The following WAPL variants were observed in gnomAD, a reference collection of about 807,000 sequenced individuals.
The protein encoded by WAPL is wings apart-like protein homolog.
In WAPL, 5 loss-of-function variants were observed where a neutral mutation model predicts 121.0. The ratio of observed to expected loss-of-function variants is 0.04; its 90% CI spans 0.02 to 0.09. The LOEUF is 0.09. WAPL is among the 10% of genes least tolerant of loss of function. The pLI is 1.00. For missense variants in WAPL, 999 were observed against 1,410.8 expected, an observed-to-expected ratio of 0.71 and a Z score of 4.68; for synonymous variants, 480 against 481.5, an observed-to-expected ratio of 1.00 and a Z score of 0.04.
rs3758520 is a variant in WAPL, at chr10:86,473,871, C to G, written c.1740+7G>C. The G allele has an allele frequency of 0.39, 628,272 of 1,595,732 alleles. 128,531 individuals are homozygous for G. The highest frequency in any genetic ancestry group is 0.43 in the Non-Finnish European group (495,233 of 1,163,664). On this transcript the variant is annotated splice_region_variant and intron_variant, in intron 5 of 18. Transcript: ENST00000298767. ...AAACACAAAATAAATAAGTACAGTT[C>G]ACTTACTGTGACACTCTGAGGTTTT... is the stretch of plus-strand genomic sequence containing the variant.
rs1198422718 is a variant in WAPL, at chr10:86,521,684, C to T, written c.-342G>A. On this transcript the variant is annotated 5_prime_UTR_variant, in exon 1 of 19. Coordinates refer to ENST00000298767, the MANE Select transcript of WAPL (RefSeq NM_015045.5). ...CCGCCGCCTCCTGCGCCGCCGCTTC[C>T]GCCGGTGAATGGTCAGTGCTGGAGT... The T allele has an allele frequency of 4.3e-6, 2 of 463,994 alleles. No homozygotes were observed. The highest frequency in any genetic ancestry group is 8.9e-6 in the Non-Finnish European group (2 of 224,532). 28.7% of individuals were successfully genotyped at this position (463,994 alleles called of 1,614,324 possible).
At chr10:86,520,738 C>G (rs1235027095) in intron 1 of WAPL, among the ~76,000 whole-genome samples, 1 of 125,670 alleles carries the variant, frequency 8.0e-6, no homozygotes, top group Non-Finnish European at 1.6e-5. Context: ...AAAATCAGGT[C>G]GAATTTTGAG....
chr10:86,499,999 G>A lies in WAPL; in HGVS notation c.1244C>T (p.Pro415Leu), dbSNP rs765479869. The A allele has an allele frequency of 2.5e-6, 4 of 1,614,076 alleles. No individual in the cohort carries two copies. The Admixed American group carries it at 5.0e-5, about 20-fold the overall frequency. The change falls in exon 3 of 19, where the codon CCT becomes CTT. Residue 415 changes from proline to leucine, a missense_variant. Physicochemically the swap from Pro to Leu is moderately conservative, Grantham distance 98. Transcript: ENST00000298767. ...ATCCTTTTTGGATTTAGTATTACTA[G>A]GTCGAAATCTAGTAGTAGTCTTAGA... ...ATSKTTTRFRPSNTKSKKDVK... is the reference protein window; with the variant it reads ...ATSKTTTRFRLSNTKSKKDVK...
intron 12 of WAPL, among the ~76,000 whole-genome samples, chr10:86,456,064 T>A (rs1841138639): frequency 6.6e-6 from 1 of 152,208 alleles, no homozygotes; most frequent in Non-Finnish European, 1.5e-5. Flanking sequence ...ATCAATAATG[T>A]AGAGTCTGAT....
chr10:86,457,521 C>T (rs117026392), intron 12 of WAPL, among the ~76,000 whole-genome samples: 12,094 of 151,654 alleles, frequency 0.08, 855 homozygotes, highest in East Asian at 0.38. Context: ...AGTGTGGTGG[C>T]GCACACCTGT....
rs1564571376 is a variant in WAPL, at chr10:86,469,255, T to TAAATCAGCACACTCTAC, written c.2142+1736_2142+1737insGTAGAGTGTGCTGATTT. On this transcript the variant is annotated intron_variant, in intron 8 of 18. Transcript: ENST00000298767. ...GTTGAACCAAATAATTTTTTTTTTT[T>TAAATCAGCACACTCTAC]TTTTTTTTTTTTTTTGAGACGGAGT... Among the ~76,000 whole-genome samples, 11 of 532 alleles carry TAAATCAGCACACTCTAC rather than the reference T, an allele frequency of 0.021. 2 individuals are homozygous for TAAATCAGCACACTCTAC. In the African/African-American group the frequency reaches 0.26, roughly 13 times the overall value. The allele number at this position is 532 out of a possible 152,430, so 0.3% of individuals were successfully genotyped here.
At chr10:86,517,526 T>C (rs751839971) in intron 2 of WAPL, 45 bp downstream of exon 2, 5 of 1,534,858 alleles carry the variant, frequency 3.3e-6, no homozygotes, top group Non-Finnish European at 4.4e-6. Context: ...ATAAATTGGT[T>C]GCACAAAGCT....
At chr10:86,489,495 CACAT>C (rs1246708294) in intron 4 of WAPL, among the ~76,000 whole-genome samples, 1 of 152,140 alleles carries the variant, frequency 6.6e-6, no homozygotes, top group Non-Finnish European at 1.5e-5. Context: ...AAGTCACACA[CACAT>C]ACATATACAG....
chr10:86,503,219 C>G (rs112265456), intron 2 of WAPL, among the ~76,000 whole-genome samples: 50 of 152,304 alleles, frequency 3.3e-4, no homozygotes, highest in African/African-American at 1.1e-3. Context: ...CCTGTAATCC[C>G]AGCACTTTGG....
chr10:86,506,027 T>A (rs1842342542), intron 2 of WAPL, among the ~76,000 whole-genome samples: 1 of 152,050 alleles, frequency 6.6e-6, no homozygotes, highest in African/African-American at 2.4e-5. Flanking sequence ...GAGGCCAAGG[T>A]GTGAGGACTA....
At chr10:86,457,016 T>G (rs1232917921) in intron 12 of WAPL, among the ~76,000 whole-genome samples, 1 of 152,188 alleles carries the variant, frequency 6.6e-6, no homozygotes, top group Non-Finnish European at 1.5e-5. Context: ...TACTTCCTCT[T>G]ACAAGGTAGT....
intron 2 of WAPL, among the ~76,000 whole-genome samples, chr10:86,503,669 C>T (rs898253502): frequency 6.6e-6 from 1 of 151,074 alleles, no homozygotes; most frequent in African/African-American, 2.4e-5. Flanking sequence ...AGGAGAATGG[C>T]GTGAACCCGG....
intron 17 of WAPL, among the ~76,000 whole-genome samples, chr10:86,441,541 A>C (rs1849471112): frequency 6.6e-6 from 1 of 151,754 alleles, no homozygotes; most frequent in African/African-American, 2.4e-5. Flanking sequence ...AGTTGTCTTA[A>C]AAAGATATGT....
chr10:86,497,084 A>G, intron 4 of WAPL, 117 bp downstream of exon 4: 1 of 854,006 alleles, frequency 1.2e-6, no homozygotes, highest in South Asian at 1.7e-5. Flanking sequence ...CGACTTACAC[A>G]TATCCTTTGA....
chr10:86,476,675 C>G (rs188379123), intron 4 of WAPL, among the ~76,000 whole-genome samples: 2 of 139,846 alleles, frequency 1.4e-5, no homozygotes, highest in Non-Finnish European at 3.0e-5. Context: ...GGCGACAAAG[C>G]GAGACTGTCT....
At chr10:86,505,159 T>G (rs1842321436) in intron 2 of WAPL, among the ~76,000 whole-genome samples, 3 of 142,398 alleles carry the variant, frequency 2.1e-5, no homozygotes, top group Admixed American at 1.4e-4. Context: ...AGCTGTAGAG[T>G]TTTTTTTTCT....
rs796883980 is a variant in WAPL at position 86,455,728 on chromosome 10, CAAAT to C, written c.2658-1901_2658-1898del. Among the ~76,000 whole-genome samples the C allele has an allele frequency of 4.1e-3, 491 of 119,184 alleles. 2 individuals carry two copies. The highest frequency in any genetic ancestry group is 0.014 in the African/African-American group (456 of 32,320). 78.2% of individuals were successfully genotyped at this position (119,184 alleles called of 152,430 possible). A position where few individuals can be genotyped will look rare whatever the true frequency, so the allele number is the denominator to read the frequency against. Reference sequence around the variant, plus strand: ...AAGAAAAAAAAAGAAAAAAAGAAAACAAATAAAAATTTGCTAGCAGGGTGAGATG... The same window carrying C: ...AAGAAAAAAAAAGAAAAAAAGAAAACAAAAATTTGCTAGCAGGGTGAGATG... On this transcript the variant is annotated intron_variant, in intron 12 of 18. Coordinates refer to ENST00000298767, the MANE Select transcript of WAPL (RefSeq NM_015045.5).
At chr10:86,447,764 C>A (rs1257459080) in intron 15 of WAPL, among the ~76,000 whole-genome samples, 1 of 152,128 alleles carries the variant, frequency 6.6e-6, no homozygotes, top group Non-Finnish European at 1.5e-5. Flanking sequence ...AAAAGTATGG[C>A]CTGGCCATGC....
Position 86,517,648 on chromosome 10 carries a change from A to G in WAPL, c.422T>C (p.Leu141Pro). The G allele has an allele frequency of 1.2e-6, 2 of 1,614,064 alleles. No homozygotes were observed. Among genetic ancestry groups the G allele is most frequent in the Non-Finnish European group, 1.7e-6 (2 of 1,180,014 alleles). Reference sequence around the variant, plus strand: ...TCGGTTTGTGCTCTTTTCTTTCCCAAGTAAAGTGTCCTCCAAAGGGAAGCA... The same window carrying G: ...TCGGTTTGTGCTCTTTTCTTTCCCAGGTAAAGTGTCCTCCAAAGGGAAGCA... The part of the protein sequence containing the change: ...DKCFPLEDTL[L>P]GKEKSTNRIV... Residue 141 changes from leucine to proline, a missense_variant, in exon 2 of 19, where the codon CTT (leucine) becomes CCT (proline). By Grantham distance (98) the Leu-to-Pro change is moderately conservative (BLOSUM62 -3). Transcript: ENST00000298767.
Sources: gnomAD v4.1 joint callset for allele counts (sites outside exome capture counted in the v4.1 genomes callset) on GRCh38, gnomAD v4.1.1 for gene constraint, MANE v1.5 for transcripts, NCBI Gene and HGNC (gene_info 2026-07-23, HGNC 2026-07-21) for gene names.